HDAC9: variants seen among roughly 807,000 people sequenced by gnomAD.
The protein encoded by HDAC9 is histone deacetylase 9, also known as MEF-2 interacting transcription repressor (MITR) protein.
Under a neutral mutation model 139.4 loss-of-function variants are expected in HDAC9, and 41 were observed. The observed-to-expected ratio is 0.29, with a 90% CI of 0.23 to 0.38. HDAC9 has a LOEUF of 0.38. Ranked by LOEUF, HDAC9 falls within the 10% of genes least tolerant of loss-of-function variation. HDAC9 has a pLI of 1.00. For synonymous variants in HDAC9, 517 were observed against 476.2 expected, an observed-to-expected ratio of 1.09 and a Z score of -1.12; for missense variants, 1,147 against 1,297.0, an observed-to-expected ratio of 0.88 and a Z score of 1.78.
chr7:18,161,799 C>T (rs1450849000), intron 1 of HDAC9, among the ~76,000 whole-genome samples: 1 of 151,778 alleles, frequency 6.6e-6, no homozygotes, highest in Non-Finnish European at 1.5e-5. Context: ...TTCTTTTTGC[C>T]AAGAGGTCCT....
At chr7:18,978,847 G>T (rs1784716334) in intron 25 of HDAC9, among the ~76,000 whole-genome samples, 1 of 152,148 alleles carries the variant, frequency 6.6e-6, no homozygotes, top group South Asian at 2.1e-4. Flanking sequence ...ATCAAGAAAA[G>T]ATTTGGAAAG....
intron 11 of HDAC9, among the ~76,000 whole-genome samples, chr7:18,656,940 C>T (rs1333670389): frequency 6.6e-6 from 1 of 151,234 alleles, no homozygotes; most frequent in Non-Finnish European, 1.5e-5. Flanking sequence ...ACGTGCTCAC[C>T]TGCATTCATT....
chr7:18,703,106 T>G (rs538964925), intron 12 of HDAC9, among the ~76,000 whole-genome samples: 1 of 152,296 alleles, frequency 6.6e-6, no homozygotes, highest in Admixed American at 6.5e-5. Flanking sequence ...TGTTTCATTT[T>G]ATTCTTTCCT....
At chr7:18,147,632 C>T (rs1476295402) in intron 1 of HDAC9, among the ~76,000 whole-genome samples, 1 of 142,494 alleles carries the variant, frequency 7.0e-6, no homozygotes, top group African/African-American at 2.5e-5. Flanking sequence ...TACCTCAGGA[C>T]TCATTTTTTT....
At chr7:18,675,231 C>T (rs990725590) in intron 12 of HDAC9, among the ~76,000 whole-genome samples, 2 of 151,984 alleles carry the variant, frequency 1.3e-5, no homozygotes, top group Non-Finnish European at 2.9e-5. Flanking sequence ...AAAACAGTGG[C>T]ATTTTGCATC....
At chr7:18,426,782 A>G (rs1351479099) in intron 1 of HDAC9, among the ~76,000 whole-genome samples, 4 of 152,184 alleles carry the variant, frequency 2.6e-5, no homozygotes, top group African/African-American at 4.8e-5. Context: ...AGTTTACTCA[A>G]TCTTCCCTAG....
intron 16 of HDAC9, among the ~76,000 whole-genome samples, chr7:18,774,352 G>A (rs1263039434): frequency 1.3e-5 from 2 of 151,796 alleles, no homozygotes; most frequent in African/African-American, 4.8e-5. Context: ...TAAATATTAT[G>A]ATTTATATAA....
intron 12 of HDAC9, among the ~76,000 whole-genome samples, chr7:18,719,019 T>C (rs1784925356): frequency 6.6e-6 from 1 of 152,242 alleles, no homozygotes. Context: ...CCCTGATAGC[T>C]AATGAAGTGA....
intron 22 of HDAC9, among the ~76,000 whole-genome samples, chr7:18,931,342 G>A (rs890853314): frequency 2.0e-5 from 3 of 152,050 alleles, no homozygotes; most frequent in African/African-American, 7.2e-5. Context: ...TTCCTAAGTG[G>A]CCTGGGTAAA....
chr7:18,567,456 A>AT (rs113744611), intron 2 of HDAC9, among the ~76,000 whole-genome samples: 6 of 152,170 alleles, frequency 3.9e-5, no homozygotes, highest in African/African-American at 7.2e-5. Context: ...CATTTAAAGC[A>AT]TTTTTTTAAA....
In HDAC9 at chr7:18,632,205, TA is replaced by T. The variant is rs200608440; in HGVS notation, c.797-2414del. On this transcript the variant is annotated intron_variant, in intron 7 of 25. Coordinates refer to ENST00000686413, the MANE Select transcript of HDAC9 (RefSeq NM_178425.4). ...TTAAAGTAAAACCAGAGGTGATGAT[TA>T]AAAAAAATTAATCAAAATATAAACC... Among the ~76,000 whole-genome samples the T allele has an allele frequency of 9.5e-3, 1,436 of 151,852 alleles. 15 individuals are homozygous for T. The highest frequency in any genetic ancestry group is 0.031 in the Middle Eastern group (9 of 294).
intron 12 of HDAC9, among the ~76,000 whole-genome samples, chr7:18,711,002 T>A (rs1208482773): frequency 6.6e-6 from 1 of 152,246 alleles, no homozygotes; most frequent in Admixed American, 6.5e-5. Context: ...TTTACTCATC[T>A]TCTGAATATC....
chr7:18,754,992 A>G (rs1788755143), intron 14 of HDAC9, among the ~76,000 whole-genome samples: 1 of 152,170 alleles, frequency 6.6e-6, no homozygotes, highest in South Asian at 2.1e-4. Flanking sequence ...AGAGTAGTCT[A>G]ACTAGATGGC....
chr7:18,897,207 T>C (rs1801280503), intron 22 of HDAC9, among the ~76,000 whole-genome samples: 2 of 152,014 alleles, frequency 1.3e-5, no homozygotes, highest in African/African-American at 2.4e-5. Flanking sequence ...GAAATAGCTT[T>C]ACTGACATTT....
chr7:18,428,921 G>A (rs898784161), intron 1 of HDAC9: 1 of 152,360 alleles, frequency 6.6e-6, no homozygotes, highest in Non-Finnish European at 1.5e-5. Context: ...CCAGTGCTTA[G>A]AGAGTTCATC....
chr7:18,124,069 TGCCCC>T (rs1784514624), intron 1 of HDAC9, among the ~76,000 whole-genome samples: 2 of 152,164 alleles, frequency 1.3e-5, no homozygotes, highest in Non-Finnish European at 2.9e-5. Flanking sequence ...ACTCACAGCC[TGCCCC>T]AAACTAAACA....
chr7:18,365,029 G>A (rs1226600562), intron 1 of HDAC9, among the ~76,000 whole-genome samples: 1 of 152,106 alleles, frequency 6.6e-6, no homozygotes, highest in East Asian at 1.9e-4. Flanking sequence ...GGATAGCTAA[G>A]AGATGGGGCA....
intron 22 of HDAC9, among the ~76,000 whole-genome samples, chr7:18,916,655 C>T (rs1803236758): frequency 6.6e-6 from 1 of 151,978 alleles, no homozygotes; most frequent in African/African-American, 2.4e-5. Context: ...AACGGGCACA[C>T]AAATGCTTTG....
intron 6 of HDAC9, among the ~76,000 whole-genome samples, chr7:18,626,611 C>G (rs1841789106): frequency 6.6e-6 from 1 of 152,136 alleles, no homozygotes; most frequent in Non-Finnish European, 1.5e-5. Context: ...GTGAATTATT[C>G]AAGGTTACTG....
Sources: gnomAD v4.1 joint callset for allele counts (sites outside exome capture counted in the v4.1 genomes callset) on GRCh38, gnomAD v4.1.1 for gene constraint, MANE v1.5 for transcripts, NCBI Gene and HGNC (gene_info 2026-07-23, HGNC 2026-07-21) for gene names.